The following STK39 variants were observed in gnomAD, a reference collection of about 807,000 sequenced individuals.
STK39 encodes the protein serine/threonine kinase 39.
A neutral mutation model predicts 77.8 loss-of-function variants in STK39; 20 were observed. That is an observed-to-expected ratio of 0.26 (90% CI 0.18 to 0.37). The LOEUF is 0.37. Ranked by LOEUF, STK39 falls within the 10% of genes least tolerant of loss-of-function variation. The pLI is 1.00. For missense variants in STK39, 479 were observed against 656.5 expected, an observed-to-expected ratio of 0.73 and a Z score of 2.95; for synonymous variants, 246 against 234.1, an observed-to-expected ratio of 1.05 and a Z score of -0.47.
chr2:168,097,715 CAG>C (rs939624875), intron 10 of STK39, among the ~76,000 whole-genome samples: 2 of 148,352 alleles, frequency 1.3e-5, no homozygotes, highest in African/African-American at 5.0e-5. Flanking sequence ...GCCTGCGTGA[CAG>C]AGCAAAATCC....
chr2:168,203,965 C>T (rs2105681053), intron 1 of STK39, among the ~76,000 whole-genome samples: 1 of 152,260 alleles, frequency 6.6e-6, no homozygotes, highest in Middle Eastern at 3.4e-3. Flanking sequence ...GAATGTGAAA[C>T]ATGGGAAAAG....
intron 1 of STK39, among the ~76,000 whole-genome samples, chr2:168,214,210 T>C (rs1689966474): frequency 6.6e-6 from 1 of 151,140 alleles, no homozygotes; most frequent in South Asian, 2.1e-4. Flanking sequence ...CTAGTGGGGT[T>C]GCTGTAAGCA....
intron 1 of STK39, among the ~76,000 whole-genome samples, chr2:168,210,909 C>A (rs959640350): frequency 1.3e-5 from 2 of 152,156 alleles, no homozygotes; most frequent in Admixed American, 1.3e-4. Flanking sequence ...AAGAGACAAT[C>A]TACACAAAAT....
Position 168,156,379 on chromosome 2 carries a change from A to G in STK39, c.628+5408T>C, listed in dbSNP as rs1341882438. ...TATTCCATCAACAATGCTTTATTCC[A>G]TCAACAATGCTTATAAACTTTATGC... On this transcript the variant is annotated intron_variant, in intron 5 of 17. Transcript: ENST00000355999. Among the ~76,000 whole-genome samples, 4 of 152,166 alleles carry G rather than the reference A, an allele frequency of 2.6e-5. No individual in the cohort carries two copies. In the East Asian group the frequency reaches 7.7e-4, roughly 29 times the overall value.
At chr2:168,144,816 C>T (rs1266293234) in intron 5 of STK39, among the ~76,000 whole-genome samples, 3 of 151,722 alleles carry the variant, frequency 2.0e-5, no homozygotes, top group African/African-American at 4.8e-5. Context: ...CAATATTTGT[C>T]GGGCATGATA....
chr2:168,215,670 G>C (rs780688627), intron 1 of STK39, among the ~76,000 whole-genome samples: 2 of 152,116 alleles, frequency 1.3e-5, no homozygotes, highest in African/African-American at 2.4e-5. Flanking sequence ...ACGAATGTCA[G>C]TTGCCTCAAG....
chr2:167,971,409 T>G (rs1396655474), intron 16 of STK39, among the ~76,000 whole-genome samples: 1 of 152,208 alleles, frequency 6.6e-6, no homozygotes, highest in Admixed American at 6.5e-5. Flanking sequence ...TTTTAAAATT[T>G]TGTGGGGATT....
chr2:168,067,832 T>C (rs1439560278), intron 12 of STK39, among the ~76,000 whole-genome samples: 1 of 152,050 alleles, frequency 6.6e-6, no homozygotes, highest in African/African-American at 2.4e-5. Context: ...AGAGAATGAG[T>C]GTTTTGATGG....
chr2:167,976,499 A>G (rs1227267204), intron 16 of STK39, among the ~76,000 whole-genome samples: 2 of 152,184 alleles, frequency 1.3e-5, no homozygotes, highest in African/African-American at 4.8e-5. Context: ...TAGGGGGAGA[A>G]GAGGAGCCTG....
At chr2:168,135,855 T>A (rs1002275807) in intron 8 of STK39, among the ~76,000 whole-genome samples, 2 of 152,174 alleles carry the variant, frequency 1.3e-5, no homozygotes, top group Non-Finnish European at 2.9e-5. Flanking sequence ...CAAATTAAGT[T>A]ACGGAGAAAA....
chr2:167,960,076 A>G (rs970956520), intron 17 of STK39, among the ~76,000 whole-genome samples: 1 of 152,230 alleles, frequency 6.6e-6, no homozygotes, highest in African/African-American at 2.4e-5. Context: ...CACTTTAAAA[A>G]ACAACAGCAG....
intron 16 of STK39, among the ~76,000 whole-genome samples, 165 bp downstream of exon 16, chr2:168,012,469 G>A (rs556628121): frequency 9.9e-5 from 15 of 152,158 alleles, no homozygotes; most frequent in African/African-American, 3.1e-4. Context: ...CATGGCGCCC[G>A]TCCAAATATG....
intron 17 of STK39, among the ~76,000 whole-genome samples, chr2:167,956,723 C>CTT (rs1559032428): frequency 7.1e-5 from 5 of 70,074 alleles, no homozygotes; most frequent in East Asian, 5.8e-4. Context: ...CTCTCTCTCT[C>CTT]TCTCTCCCCC....
At chr2:168,052,999 C>T (rs1685435852) in intron 14 of STK39, among the ~76,000 whole-genome samples, 1 of 152,162 alleles carries the variant, frequency 6.6e-6, no homozygotes, top group Non-Finnish European at 1.5e-5. Context: ...CCTAAGTAAT[C>T]CCCATGTGCT....
At chr2:168,178,635 G>A (rs1689009516) in intron 2 of STK39, among the ~76,000 whole-genome samples, 1 of 152,144 alleles carries the variant, frequency 6.6e-6, no homozygotes. Flanking sequence ...GAATATTACA[G>A]TACTCATTTC....
In STK39 at chr2:168,025,907, C is replaced by G. The variant is rs191957025; in HGVS notation, c.1377-8812G>C. ...ACTCCTTCGGGAATTGAAGACTGGT[C>G]AGCTGAGCCCAATTTGGAGTTAATC... On this transcript the variant is annotated intron_variant, in intron 14 of 17. Transcript: ENST00000355999. Among the ~76,000 whole-genome samples, 23 of 152,310 alleles carry G rather than the reference C, an allele frequency of 1.5e-4. 1 individual carries two copies. Among genetic ancestry groups the G allele is most frequent in the Admixed American group, 1.5e-3 (23 of 15,296 alleles).
chr2:168,222,797 G>A (rs185516905), intron 1 of STK39, among the ~76,000 whole-genome samples: 178 of 152,260 alleles, frequency 1.2e-3, no homozygotes, highest in African/African-American at 4.0e-3. Flanking sequence ...GTACACTGAT[G>A]TGGAAAATAT....
intron 14 of STK39, among the ~76,000 whole-genome samples, chr2:168,057,546 GCA>G (rs145584255): frequency 0.027 from 4,101 of 151,558 alleles, 155 homozygotes; most frequent in East Asian, 0.18. Flanking sequence ...ACACGCACGT[GCA>G]CACACACACA....
At chr2:168,047,778 A>G (rs764283113) in intron 14 of STK39, among the ~76,000 whole-genome samples, 3 of 152,216 alleles carry the variant, frequency 2.0e-5, no homozygotes, top group Admixed American at 1.3e-4. Context: ...AAGCCCTCCA[A>G]TGCTTTTATG....
Sources: allele counts gnomAD v4.1 joint callset (sites outside exome capture counted in the v4.1 genomes callset), GRCh38; gene constraint gnomAD v4.1.1; transcripts MANE v1.5; gene names NCBI Gene and HGNC (gene_info 2026-07-23, HGNC 2026-07-21).